SNTG1: variants seen among roughly 807,000 people sequenced by gnomAD.
SNTG1 encodes the protein gamma-1-syntrophin.
A neutral mutation model predicts 74.7 loss-of-function variants in SNTG1; 39 were observed. The observed-to-expected ratio is 0.52, with a 90% CI of 0.40 to 0.68. The LOEUF (loss-of-function observed/expected upper bound fraction) is 0.68, where lower values mean the gene tolerates loss of function less well. Among genes scored for constraint, SNTG1 ranks in the 30% least tolerant of loss-of-function variants. The pLI is 0.00. For synonymous variants in SNTG1, 254 were observed against 217.1 expected (o/e 1.17, Z -1.49); for missense variants, 685 against 609.5 (o/e 1.12, Z -1.30).
chr8:50,682,642 A>G (rs2095335814), intron 15 of SNTG1, among the ~76,000 whole-genome samples: 1 of 152,108 alleles, frequency 6.6e-6, no homozygotes, highest in South Asian at 2.1e-4. Context: ...TCAGTCTCAC[A>G]TTTCCCACCT....
intron 1 of SNTG1, among the ~76,000 whole-genome samples, chr8:50,139,972 T>C (rs1586443358): frequency 6.6e-6 from 1 of 152,364 alleles, no homozygotes; most frequent in East Asian, 1.9e-4. Context: ...TTTTCACATG[T>C]CACTAGCGAG....
At chr8:50,284,275 GAATA>G (rs965572566) in intron 2 of SNTG1, among the ~76,000 whole-genome samples, 3 of 150,112 alleles carry the variant, frequency 2.0e-5, no homozygotes, top group Non-Finnish European at 4.4e-5. Flanking sequence ...TTTTTCTTAT[GAATA>G]GATTGAGATT....
At chr8:49,969,169 C>T (rs1811410997) in intron 1 of SNTG1, among the ~76,000 whole-genome samples, 1 of 151,942 alleles carries the variant, frequency 6.6e-6, no homozygotes, top group Non-Finnish European at 1.5e-5. Context: ...GATTATTTTT[C>T]TTTTTAATAA....
intron 9 of SNTG1, among the ~76,000 whole-genome samples, chr8:50,514,239 C>T (rs956857980): frequency 2.0e-5 from 3 of 151,992 alleles, no homozygotes; most frequent in Admixed American, 6.6e-5. Context: ...TAATGGCTCT[C>T]CTTCTGCTAC....
chr8:50,488,968 C>T (rs1446086313), intron 8 of SNTG1, among the ~76,000 whole-genome samples: 1 of 152,230 alleles, frequency 6.6e-6, no homozygotes, highest in East Asian at 1.9e-4. Flanking sequence ...TGATATTCCC[C>T]TCCCTGTGTC....
chr8:50,467,650 T>C (rs2093619776), intron 8 of SNTG1, among the ~76,000 whole-genome samples: 1 of 151,940 alleles, frequency 6.6e-6, no homozygotes, highest in Admixed American at 6.6e-5. Context: ...ATTGATTTCC[T>C]CTGTAGTTTT....
intron 1 of SNTG1, among the ~76,000 whole-genome samples, chr8:49,953,382 CTG>C (rs1809896381): frequency 1.3e-5 from 2 of 152,156 alleles, no homozygotes; most frequent in Non-Finnish European, 2.9e-5. Flanking sequence ...TCATTGTCCT[CTG>C]TCCTTCCTTG....
intron 9 of SNTG1, among the ~76,000 whole-genome samples, chr8:50,503,214 A>G (rs1464975579): frequency 6.6e-6 from 1 of 152,182 alleles, no homozygotes; most frequent in Non-Finnish European, 1.5e-5. Context: ...CTAACTAAAA[A>G]TTAATACTAA....
At chr8:50,274,210 C>A (rs540869358) in intron 2 of SNTG1, among the ~76,000 whole-genome samples, 23 of 152,114 alleles carry the variant, frequency 1.5e-4, no homozygotes, top group African/African-American at 4.6e-4. Flanking sequence ...CCTCAGCCCC[C>A]CTAGTAGCTG....
intron 1 of SNTG1, among the ~76,000 whole-genome samples, chr8:50,028,942 C>T (rs1817512544): frequency 6.6e-6 from 1 of 151,886 alleles, no homozygotes; most frequent in Non-Finnish European, 1.5e-5. Flanking sequence ...AATGTCAGAT[C>T]ATGTCTTTTG....
intron 11 of SNTG1, among the ~76,000 whole-genome samples, chr8:50,546,284 A>T (rs1054665441): frequency 1.5e-4 from 23 of 152,188 alleles, no homozygotes; most frequent in African/African-American, 5.5e-4. Flanking sequence ...AAGGAGCACA[A>T]TATGTAAGAG....
Position 50,223,651 on chromosome 8 carries a change from G to C in SNTG1, c.-28+51016G>C, listed in dbSNP as rs185966295. Among the ~76,000 whole-genome samples, 274 of 152,000 alleles carry C rather than the reference G, an allele frequency of 1.8e-3. 4 individuals are homozygous for C. The highest frequency in any genetic ancestry group is 0.016 in the Admixed American group (242 of 15,258). On this transcript the variant is annotated intron_variant, in intron 2 of 18. Coordinates refer to ENST00000642720, the MANE Select transcript of SNTG1 (RefSeq NM_018967.5). ...CATCACTTAGGAAACAAAAAGAAAA[G>C]AGCAATAAAATACAGAAAATATATT...
chr8:50,508,081 T>TCCCCA (rs1563494941), intron 9 of SNTG1, among the ~76,000 whole-genome samples: 1 of 151,406 alleles, frequency 6.6e-6, no homozygotes, highest in African/African-American at 2.4e-5. Flanking sequence ...CCCACTCCCC[T>TCCCCA]CAACAGGCTA....
intron 18 of SNTG1, among the ~76,000 whole-genome samples, chr8:50,782,000 C>A (rs555266537): frequency 3.4e-4 from 51 of 152,182 alleles, no homozygotes; most frequent in East Asian, 2.5e-3. Context: ...CTGGGTTGAA[C>A]ATTCTTTTCT....
At chr8:50,461,155 T>TGG (rs1251254053) in intron 8 of SNTG1, among the ~76,000 whole-genome samples, 1 of 117,410 alleles carries the variant, frequency 8.5e-6, no homozygotes, top group African/African-American at 3.3e-5. Context: ...GAGATTTTTC[T>TGG]GGTGTGTGTG....
At chr8:50,434,411 A>G (rs563687047) in intron 4 of SNTG1, among the ~76,000 whole-genome samples, 1 of 152,296 alleles carries the variant, frequency 6.6e-6, no homozygotes, top group East Asian at 1.9e-4. Flanking sequence ...ACTCAGTAAT[A>G]GGATGGCTGA....
At chr8:50,476,829 T>G (rs1445345411) in intron 8 of SNTG1, among the ~76,000 whole-genome samples, 1 of 137,258 alleles carries the variant, frequency 7.3e-6, no homozygotes, top group African/African-American at 2.7e-5. Flanking sequence ...GGGCAGGACA[T>G]ACACAAAATG....
At chr8:50,208,825 C>T (rs547020276) in intron 2 of SNTG1, among the ~76,000 whole-genome samples, 19 of 152,252 alleles carry the variant, frequency 1.2e-4, no homozygotes, top group African/African-American at 3.6e-4. Flanking sequence ...CAGTTCCCAG[C>T]GTGAGCGAAG....
chr8:50,207,643 T>A (rs1425147873), intron 2 of SNTG1, among the ~76,000 whole-genome samples: 1 of 152,208 alleles, frequency 6.6e-6, no homozygotes, highest in East Asian at 1.9e-4. Context: ...CTCTAGTTCT[T>A]TTAGTTGTGA....
Sources: allele counts gnomAD v4.1 joint callset (sites outside exome capture counted in the v4.1 genomes callset), GRCh38; gene constraint gnomAD v4.1.1; transcripts MANE v1.5; gene names NCBI Gene and HGNC (gene_info 2026-07-23, HGNC 2026-07-21).